MAGI3: variants seen among roughly 807,000 people sequenced by gnomAD.
MAGI3 encodes the protein membrane associated guanylate kinase, WW and PDZ domain containing 3, also known as membrane-associated guanylate kinase, WW and PDZ domain-containing protein 3.
MAGI3 carries 43 observed loss-of-function variants against 121.8 expected under a neutral mutation model. The ratio of observed to expected loss-of-function variants is 0.35; its 90% CI spans 0.28 to 0.46. The LOEUF (loss-of-function observed/expected upper bound fraction) is 0.46. Among genes scored for constraint, MAGI3 ranks in the 20% least tolerant of loss-of-function variants. MAGI3 has a pLI of 1.00. For synonymous variants in MAGI3, 553 were observed against 639.3 expected, an observed-to-expected ratio of 0.86 and a Z score of 2.04; for missense variants, 1,547 against 1,797.3, an observed-to-expected ratio of 0.86 and a Z score of 2.52.
chr1:113,673,376 A>C lies in MAGI3; in HGVS notation c.3100A>C (p.Ser1034Arg), dbSNP rs1647678271. Residue 1034 changes from serine (S) to arginine (R), a missense_variant, in exon 19 of 21, where the codon AGC (serine) becomes CGC (arginine). Coordinates refer to ENST00000307546, the MANE Select transcript of MAGI3 (RefSeq NM_001142782.2). ...LERGPRGFGF[S>R]LRGGKEYNMG... ...GAGAGGCCCCCGGGGCTTTGGATTCAGCCTCCGAGGGGGGAAGGAGTACAA... is the reference window on the plus strand; with the variant it reads ...GAGAGGCCCCCGGGGCTTTGGATTCCGCCTCCGAGGGGGGAAGGAGTACAA... 2 of 1,611,872 alleles carry C rather than the reference A, an allele frequency of 1.2e-6. No homozygotes were observed. Among genetic ancestry groups the C allele is most frequent in the Non-Finnish European group, 1.7e-6 (2 of 1,179,642 alleles).
At position 113,649,277 on chromosome 1, in the gene MAGI3, A is replaced by G. The variant is rs763421007; in HGVS notation, c.2196A>G (p.Gln732=). The G allele has an allele frequency of 1.9e-6, 3 of 1,613,646 alleles. No homozygotes were observed. The East Asian group carries it at 6.7e-5, about 36-fold the overall frequency. The part of the protein sequence containing the change: ...TKDLDVFLRK[Q]ESGFGFRVLG... ...ATTTGGATGTTTTTCTTCGAAAACA[A>G]GAGTCAGGGTTTGGCTTCAGGGTGC... Residue 732 remains glutamine (Q), a synonymous_variant, in exon 13 of 21, where the codon CAA becomes CAG. Coordinates refer to ENST00000307546, the MANE Select transcript of MAGI3 (RefSeq NM_001142782.2).
At chr1:113,435,867 G>A (rs1187866743) in intron 1 of MAGI3, among the ~76,000 whole-genome samples, 2 of 152,044 alleles carry the variant, frequency 1.3e-5, no homozygotes, top group Non-Finnish European at 2.9e-5. Flanking sequence ...ATAATATTCT[G>A]ATATTTTGAT....
chr1:113,580,632 G>A lies in MAGI3; in HGVS notation c.524G>A (p.Gly175Glu). 6.2e-7 allele frequency: 1 copy of A among 1,609,298 alleles called. No homozygotes were observed. The highest frequency in any genetic ancestry group is 8.5e-7 in the Non-Finnish European group (1 of 1,177,426). ...VEQFKALEESGALLESGTYDG... is the reference protein window; with the variant it reads ...VEQFKALEESEALLESGTYDG... ...CAGTTCAAAGCACTGGAAGAGAGTGGAGCATTGTTAGAAAGTGGGACATAT... is the reference window on the plus strand; with the variant it reads ...CAGTTCAAAGCACTGGAAGAGAGTGAAGCATTGTTAGAAAGTGGGACATAT... Residue 175 changes from glycine to glutamate, a missense_variant, in exon 3 of 21, where the codon GGA becomes GAA. Transcript: ENST00000307546.
chr1:113,492,277 A>T (rs1034872173), intron 1 of MAGI3, among the ~76,000 whole-genome samples: 1 of 152,234 alleles, frequency 6.6e-6, no homozygotes, highest in East Asian at 1.9e-4. Context: ...CCACATGATT[A>T]TCTGAACAGG....
intron 5 of MAGI3, among the ~76,000 whole-genome samples, chr1:113,592,377 A>G (rs959317931): frequency 6.6e-6 from 1 of 152,176 alleles, no homozygotes; most frequent in East Asian, 1.9e-4. Flanking sequence ...ATTTCTTTTC[A>G]TTGGAAAATT....
At chr1:113,432,552 A>G (rs941370227) in intron 1 of MAGI3, among the ~76,000 whole-genome samples, 10 of 151,972 alleles carry the variant, frequency 6.6e-5, no homozygotes, top group African/African-American at 2.4e-4. Context: ...TTTTTTTTAA[A>G]TAATTGGGTC....
At position 113,459,397 on chromosome 1, in the gene MAGI3, A is replaced by G. The variant is rs377093958; in HGVS notation, c.316+68048A>G. ...CTTCATAAACATCATAAAAAGATCA[A>G]TGAATACTACCACATATTCTTTTAA... On this transcript the variant is annotated intron_variant, in intron 1 of 20. Coordinates refer to ENST00000307546, the MANE Select transcript of MAGI3 (RefSeq NM_001142782.2). Among the ~76,000 whole-genome samples, 138 of 152,336 alleles carry G rather than the reference A, an allele frequency of 9.1e-4. 2 individuals are homozygous for G. Among genetic ancestry groups the G allele is most frequent in the African/African-American group, 3.2e-3 (131 of 41,582 alleles).
At chr1:113,647,033 A>T (rs556057017) in intron 12 of MAGI3, among the ~76,000 whole-genome samples, 1 of 152,384 alleles carries the variant, frequency 6.6e-6, no homozygotes, top group East Asian at 1.9e-4. Context: ...TGGGATCCAA[A>T]GAAGGAATAT....
chr1:113,643,235 A>G (rs1652649099), intron 10 of MAGI3, among the ~76,000 whole-genome samples: 1 of 152,110 alleles, frequency 6.6e-6, no homozygotes, highest in African/African-American at 2.4e-5. Context: ...AATAAAAGCC[A>G]CTTACTCTTT....
At chr1:113,409,020 A>G (rs901079876) in intron 1 of MAGI3, among the ~76,000 whole-genome samples, 2 of 152,092 alleles carry the variant, frequency 1.3e-5, no homozygotes, top group African/African-American at 4.8e-5. Flanking sequence ...TCTATTTATT[A>G]CTGATGCTGA....
At chr1:113,590,710 T>C in intron 5 of MAGI3, 52 bp downstream of exon 5, 2 of 1,496,756 alleles carry the variant, frequency 1.3e-6, no homozygotes, top group South Asian at 1.4e-5. Flanking sequence ...TTGAGGATTG[T>C]CTAAGATTTT....
At chr1:113,449,658 C>T in intron 1 of MAGI3, 3 of 744,764 alleles carry the variant, frequency 4.0e-6, no homozygotes, top group South Asian at 2.8e-5. Context: ...TTCAGTATAT[C>T]GATATTGAAC....
chr1:113,600,800 C>T (rs746404018), intron 6 of MAGI3, among the ~76,000 whole-genome samples: 10 of 152,326 alleles, frequency 6.6e-5, no homozygotes, highest in Admixed American at 1.3e-4. Flanking sequence ...CTGGAGGCAT[C>T]ACACTACCTG....
At chr1:113,465,352 A>G (rs1490901637) in intron 1 of MAGI3, among the ~76,000 whole-genome samples, 1 of 151,968 alleles carries the variant, frequency 6.6e-6, no homozygotes, top group African/African-American at 2.4e-5. Context: ...ATTCTGTTCC[A>G]TTGGTCTATG....
chr1:113,632,603 G>T (rs2101804730), intron 9 of MAGI3, among the ~76,000 whole-genome samples: 1 of 152,260 alleles, frequency 6.6e-6, no homozygotes, highest in South Asian at 2.1e-4. Flanking sequence ...AACCAAAATA[G>T]TCTTACTAAT....
At chr1:113,442,251 C>T (rs918505630) in intron 1 of MAGI3, among the ~76,000 whole-genome samples, 2 of 152,038 alleles carry the variant, frequency 1.3e-5, no homozygotes, top group Admixed American at 1.3e-4. Flanking sequence ...GAAGAAAAGG[C>T]AGAAGATATG....
chr1:113,576,515 T>G (rs1017827079), intron 2 of MAGI3, among the ~76,000 whole-genome samples: 6 of 152,126 alleles, frequency 3.9e-5, no homozygotes, highest in African/African-American at 1.4e-4. Flanking sequence ...CCAACGAGAT[T>G]ATCTGGGTAC....
intron 1 of MAGI3, among the ~76,000 whole-genome samples, chr1:113,512,823 A>G (rs1657686980): frequency 2.0e-5 from 3 of 152,236 alleles, no homozygotes; most frequent in Admixed American, 2.0e-4. Context: ...TTAGGAAAAG[A>G]GGAAGTCAAA....
At chr1:113,543,498 A>G (rs1377043263) in intron 1 of MAGI3, among the ~76,000 whole-genome samples, 1 of 152,212 alleles carries the variant, frequency 6.6e-6, no homozygotes, top group African/African-American at 2.4e-5. Context: ...AGAGTGCTGT[A>G]TCAGTTAAGT....
Sources: allele counts gnomAD v4.1 joint callset (sites outside exome capture counted in the v4.1 genomes callset), GRCh38; gene constraint gnomAD v4.1.1; transcripts MANE v1.5; gene names NCBI Gene and HGNC (gene_info 2026-07-23, HGNC 2026-07-21).